KCNH7: variants seen among roughly 807,000 people sequenced by gnomAD.
KCNH7 encodes the protein voltage-gated inwardly rectifying potassium channel KCNH7.
A neutral mutation model predicts 120.8 loss-of-function variants in KCNH7; 49 were observed. The ratio of observed to expected loss-of-function variants is 0.41; its 90% CI spans 0.32 to 0.51. The LOEUF is 0.51. Among genes scored for constraint, KCNH7 ranks in the 20% least tolerant of loss-of-function variants. The probability of loss-of-function intolerance (pLI) is 0.38; values close to 1 mark genes in which losing one functional copy is unlikely to be tolerated. For missense variants in KCNH7, 1,097 were observed against 1,446.6 expected (o/e 0.76, Z 3.92); for synonymous variants, 547 against 516.1 (o/e 1.06, Z -0.81).
At chr2:162,829,018 C>T (rs1479075525) in intron 2 of KCNH7, among the ~76,000 whole-genome samples, 1 of 152,036 alleles carries the variant, frequency 6.6e-6, no homozygotes, top group African/African-American at 2.4e-5. Context: ...TGGAAAGAGC[C>T]CATTGCTTTT....
At chr2:162,431,770 A>G (rs1688078125) in intron 8 of KCNH7, among the ~76,000 whole-genome samples, 1 of 151,886 alleles carries the variant, frequency 6.6e-6, no homozygotes, top group East Asian at 1.9e-4. Context: ...ATTATTCTTA[A>G]TAAATTAATA....
At chr2:162,655,828 T>C (rs748179792) in intron 2 of KCNH7, among the ~76,000 whole-genome samples, 1 of 152,120 alleles carries the variant, frequency 6.6e-6, no homozygotes, top group Admixed American at 6.6e-5. Flanking sequence ...ATTGTGGTCA[T>C]ATTTTGAGAT....
At chr2:162,619,664 T>C (rs934218649) in intron 2 of KCNH7, among the ~76,000 whole-genome samples, 1 of 152,048 alleles carries the variant, frequency 6.6e-6, no homozygotes, top group Non-Finnish European at 1.5e-5. Context: ...CTATCAATGG[T>C]GAAAAAAATT....
chr2:162,617,306 C>T (rs1371205768), intron 2 of KCNH7, among the ~76,000 whole-genome samples: 1 of 151,918 alleles, frequency 6.6e-6, no homozygotes, highest in Non-Finnish European at 1.5e-5. Flanking sequence ...GATGAAACCC[C>T]GTCTCTACTA....
At position 162,645,240 on chromosome 2, in the gene KCNH7, C is replaced by T. The variant is rs573050705; in HGVS notation, c.308-108160G>A. 6.6e-5 allele frequency among the ~76,000 whole-genome samples: 10 copies of T among 152,090 alleles called. 1 individual carries two copies. In the South Asian group the frequency reaches 1.5e-3, roughly 22 times the overall value. On this transcript the variant is annotated intron_variant, in intron 2 of 15. Coordinates refer to ENST00000332142, the MANE Select transcript of KCNH7 (RefSeq NM_033272.4). ...TTGGCTCACTGCAACCTCCGCCTCC[C>T]GGGTTCAAGTGATTCTCTTGCCTCA...
intron 6 of KCNH7, among the ~76,000 whole-genome samples, chr2:162,499,328 C>A (rs987128021): frequency 1.3e-5 from 2 of 151,984 alleles, no homozygotes; most frequent in African/African-American, 4.8e-5. Context: ...GTTCTCCGCC[C>A]AAATTTTCTT....
At chr2:162,483,300 A>C (rs536171419) in intron 6 of KCNH7, among the ~76,000 whole-genome samples, 11 of 152,244 alleles carry the variant, frequency 7.2e-5, no homozygotes, top group Non-Finnish European at 1.3e-4. Context: ...GATCATGTAG[A>C]ATGAAGTGGG....
chr2:162,440,212 T>C, intron 7 of KCNH7, among the ~76,000 whole-genome samples: 1 of 152,110 alleles, frequency 6.6e-6, no homozygotes, highest in Non-Finnish European at 1.5e-5. Flanking sequence ...AACCTTTGCC[T>C]ATAAATAAGT....
At chr2:162,765,285 C>T (rs1682746058) in intron 2 of KCNH7, among the ~76,000 whole-genome samples, 1 of 152,096 alleles carries the variant, frequency 6.6e-6, no homozygotes, top group Non-Finnish European at 1.5e-5. Context: ...TGTACAAGTC[C>T]AAAAATGCAT....
At chr2:162,647,168 T>A (rs1313172530) in intron 2 of KCNH7, among the ~76,000 whole-genome samples, 1 of 152,132 alleles carries the variant, frequency 6.6e-6, no homozygotes, top group Non-Finnish European at 1.5e-5. Flanking sequence ...GGGTGTCATG[T>A]TAATTAGTTA....
At chr2:162,701,553 C>G (rs1686499540) in intron 2 of KCNH7, among the ~76,000 whole-genome samples, 1 of 152,060 alleles carries the variant, frequency 6.6e-6, no homozygotes, top group South Asian at 2.1e-4. Flanking sequence ...ACAGATATGA[C>G]AGAAATGGCT....
intron 6 of KCNH7, among the ~76,000 whole-genome samples, chr2:162,470,531 TGAG>T (rs1215081633): frequency 1.3e-5 from 2 of 151,356 alleles, no homozygotes; most frequent in Non-Finnish European, 2.9e-5. Context: ...GTCTAGGAAG[TGAG>T]GAGCGTCTCC....
intron 7 of KCNH7, among the ~76,000 whole-genome samples, chr2:162,443,575 C>A (rs1047704090): frequency 6.6e-6 from 1 of 152,318 alleles, no homozygotes; most frequent in Non-Finnish European, 1.5e-5. Flanking sequence ...GCCTTGGCAG[C>A]TCACCTCCAA....
chr2:162,794,301 A>G (rs1573894229), intron 2 of KCNH7, among the ~76,000 whole-genome samples: 1 of 151,736 alleles, frequency 6.6e-6, no homozygotes, highest in Non-Finnish European at 1.5e-5. Context: ...GAGGGAGTTG[A>G]TCATTTACAT....
At chr2:162,447,125 T>C (rs1171980724) in intron 6 of KCNH7, among the ~76,000 whole-genome samples, 1 of 152,030 alleles carries the variant, frequency 6.6e-6, no homozygotes, top group Non-Finnish European at 1.5e-5. Context: ...AAAAAGAAAA[T>C]GCTACAAGGA....
At chr2:162,790,244 A>G (rs1043646642) in intron 2 of KCNH7, among the ~76,000 whole-genome samples, 2 of 151,944 alleles carry the variant, frequency 1.3e-5, no homozygotes, top group African/African-American at 4.8e-5. Flanking sequence ...GAAATGGATA[A>G]GTTTCTAGAA....
intron 6 of KCNH7, among the ~76,000 whole-genome samples, chr2:162,459,011 A>AATAATAATAATAATC (rs1689065040): frequency 1.4e-5 from 2 of 138,182 alleles, no homozygotes; most frequent in Admixed American, 7.9e-5. Context: ...GTTTCAAAAT[A>AATAATAATAATAATC]ATAATAATAA....
intron 15 of KCNH7, among the ~76,000 whole-genome samples, chr2:162,372,965 C>T (rs1418905387): frequency 6.6e-6 from 1 of 152,118 alleles, no homozygotes; most frequent in South Asian, 2.1e-4. Context: ...GGGGTACAGA[C>T]AAGATTACTA....
intron 7 of KCNH7, among the ~76,000 whole-genome samples, chr2:162,441,536 G>T (rs1387895803): frequency 6.6e-6 from 1 of 152,072 alleles, no homozygotes; most frequent in African/African-American, 2.4e-5. Flanking sequence ...GGTCAATGAA[G>T]CAAATAATTA....
Sources: gnomAD v4.1 joint callset for allele counts (sites outside exome capture counted in the v4.1 genomes callset) on GRCh38, gnomAD v4.1.1 for gene constraint, MANE v1.5 for transcripts, NCBI Gene and HGNC (gene_info 2026-07-23, HGNC 2026-07-21) for gene names.